Variants in SLC36A4 observed in about 807,000 individuals in gnomAD.
The protein encoded by SLC36A4 is neutral amino acid uniporter 4.
In SLC36A4, 49 loss-of-function variants were observed where a neutral mutation model predicts 50.5. The observed-to-expected ratio is 0.97, with a 90% CI of 0.77 to 1.23. SLC36A4 has a LOEUF of 1.23. Ranked by LOEUF, SLC36A4 falls within the 50% of genes most tolerant of loss-of-function variation. The probability of loss-of-function intolerance (pLI) is 0.00; values close to 1 mark genes in which losing one functional copy is unlikely to be tolerated. For missense variants in SLC36A4, 611 were observed against 608.4 expected (o/e 1.00, Z -0.05); for synonymous variants, 207 against 206.5 (o/e 1.00, Z -0.02).
At chr11:93,149,310 C>A (rs1014105718) in intron 10 of SLC36A4, among the ~76,000 whole-genome samples, 14 of 151,936 alleles carry the variant, frequency 9.2e-5, no homozygotes, top group Non-Finnish European at 2.9e-5. Flanking sequence ...TAAGCAAATA[C>A]CACAATAATC....
chr11:93,148,356 AG>A lies in SLC36A4; in HGVS notation c.*180del. On this transcript the variant is annotated 3_prime_UTR_variant, in exon 11 of 11. Transcript: ENST00000326402. ...GAACTATTGCTAACACTTAAAAGCA[AG>A]GATTTTTCATAGGTTTACCACTACT... The A allele has an allele frequency of 1.9e-6, 1 of 520,126 alleles. No individual in the cohort carries two copies. The highest frequency in any genetic ancestry group is 3.3e-6 in the Non-Finnish European group (1 of 304,630). The allele number at this position is 520,126 out of a possible 1,614,324, so 32.2% of individuals were successfully genotyped here.
chr11:93,155,319 C>T (rs1860303276), intron 9 of SLC36A4: 1 of 152,126 alleles, frequency 6.6e-6, no homozygotes, highest in African/African-American at 2.4e-5. Flanking sequence ...TCAGCAGAAA[C>T]ATCTTCCCAC....
chr11:93,148,369 G>T lies in SLC36A4; in HGVS notation c.*168C>A. 2 of 594,070 alleles carry T rather than the reference G, an allele frequency of 3.4e-6. No individual in the cohort carries two copies. Among genetic ancestry groups the T allele is most frequent in the Non-Finnish European group, 2.8e-6 (1 of 353,232 alleles). 36.8% of individuals were successfully genotyped at this position (594,070 alleles called of 1,614,324 possible). On this transcript the variant is annotated 3_prime_UTR_variant, in exon 11 of 11. Coordinates refer to ENST00000326402, the MANE Select transcript of SLC36A4 (RefSeq NM_152313.4). ...CACTTAAAAGCAAGGATTTTTCATA[G>T]GTTTACCACTACTGGTAAAGAGTTA...
At chr11:93,195,439 A>G (rs1862377771) in intron 1 of SLC36A4, among the ~76,000 whole-genome samples, 1 of 152,056 alleles carries the variant, frequency 6.6e-6, no homozygotes, top group African/African-American at 2.4e-5. Context: ...GAGACTAACT[A>G]TGTCTATTCA....
At chr11:93,168,878 AAT>A (rs1861004323) in intron 6 of SLC36A4, among the ~76,000 whole-genome samples, 2 of 152,096 alleles carry the variant, frequency 1.3e-5, no homozygotes, top group African/African-American at 4.8e-5. Flanking sequence ...ATGATTTACA[AAT>A]ATGATTTACA....
intron 9 of SLC36A4, among the ~76,000 whole-genome samples, chr11:93,157,449 T>C (rs1476315964): frequency 6.6e-6 from 1 of 152,194 alleles, no homozygotes; most frequent in Non-Finnish European, 1.5e-5. Flanking sequence ...TGGCTATTTT[T>C]ATGATATTGA....
rs1372215093 is a variant in SLC36A4, at chr11:93,148,796, A to G, written c.1256T>C (p.Val419Ala). The G allele has an allele frequency of 1.2e-6, 2 of 1,612,776 alleles. No individual in the cohort carries two copies. Among genetic ancestry groups the G allele is most frequent in the African/African-American group, 2.7e-5 (2 of 74,854 alleles). ...IPRLDIVISF[V>A]GAVSSSTLAL... Reference sequence around the variant, plus strand: ...CAATGTGCTGCTGCTCACAGCTCCAACGAAGGAAATCACAATGTCTAAACG... The same window carrying G: ...CAATGTGCTGCTGCTCACAGCTCCAGCGAAGGAAATCACAATGTCTAAACG... The change falls in exon 11 of 11, where the codon GTT (valine) becomes GCT (alanine). Residue 419 changes from valine (V) to alanine (A), a missense_variant. Physicochemically the swap from Val to Ala is moderately conservative, Grantham distance 64. Coordinates refer to ENST00000326402, the MANE Select transcript of SLC36A4 (RefSeq NM_152313.4).
intron 3 of SLC36A4, among the ~76,000 whole-genome samples, chr11:93,183,628 A>G (rs945870348): frequency 6.6e-6 from 1 of 152,098 alleles, no homozygotes; most frequent in Admixed American, 6.5e-5. Context: ...AATAATTACA[A>G]TAACTGCCTC....
At chr11:93,160,874 T>A in intron 9 of SLC36A4, 2 of 622,382 alleles carry the variant, frequency 3.2e-6, no homozygotes, top group Non-Finnish European at 4.0e-6. Context: ...AAAATGTCTC[T>A]CTGTTTCCCA....
Position 93,173,964 on chromosome 11 carries a change from T to G in SLC36A4, c.541-5793A>C, listed in dbSNP as rs1439806029. On this transcript the variant is annotated intron_variant, in intron 6 of 10. Transcript: ENST00000326402. ...TGGTTCCATATGAACTTTAAAGTAG[T>G]TTTTTCCAATTCTGTGAAGAAAGTC... 2.7e-5 allele frequency among the ~76,000 whole-genome samples: 4 copies of G among 146,132 alleles called. No individual in the cohort carries two copies. The East Asian group carries it at 8.2e-4, about 30-fold the overall frequency.
At chr11:93,186,518 T>G (rs1861988088) in intron 1 of SLC36A4, among the ~76,000 whole-genome samples, 1 of 152,190 alleles carries the variant, frequency 6.6e-6, no homozygotes, top group Non-Finnish European at 1.5e-5. Flanking sequence ...TCTTTTTTTC[T>G]TACTTAATTT....
At chr11:93,167,763 T>C (rs1860944605) in intron 7 of SLC36A4, among the ~76,000 whole-genome samples, 181 bp downstream of exon 7, 2 of 152,132 alleles carry the variant, frequency 1.3e-5, no homozygotes, top group African/African-American at 2.4e-5. Context: ...TTAATCTCTA[T>C]GTCATATACT....
intron 9 of SLC36A4, among the ~76,000 whole-genome samples, chr11:93,155,860 G>T (rs1384252960): frequency 6.6e-6 from 1 of 152,018 alleles, no homozygotes; most frequent in African/African-American, 2.4e-5. Context: ...GTTTGCTAAG[G>T]GTAATGACCT....
chr11:93,172,383 G>A (rs182169881), intron 6 of SLC36A4, among the ~76,000 whole-genome samples: 1 of 151,276 alleles, frequency 6.6e-6, no homozygotes, highest in Non-Finnish European at 1.5e-5. Context: ...CATATTTGTT[G>A]TCTTTTATCC....
chr11:93,188,060 C>T (rs1421206056), intron 1 of SLC36A4, among the ~76,000 whole-genome samples: 3 of 152,138 alleles, frequency 2.0e-5, no homozygotes, highest in Non-Finnish European at 2.9e-5. Context: ...CTCTTCTTTT[C>T]CAACGAAATA....
chr11:93,194,664 A>T (rs1027300651), intron 1 of SLC36A4, among the ~76,000 whole-genome samples: 5 of 152,188 alleles, frequency 3.3e-5, no homozygotes, highest in African/African-American at 1.2e-4. Flanking sequence ...TTACTTCATT[A>T]CCCACAAATT....
chr11:93,146,980 TTG>T lies in SLC36A4; in HGVS notation c.*1555_*1556del, dbSNP rs1314704524. The T allele has an allele frequency of 6.6e-6, 1 of 152,050 alleles. No homozygotes were observed. Among genetic ancestry groups the T allele is most frequent in the Admixed American group, 6.6e-5 (1 of 15,238 alleles). The allele number at this position is 152,050 out of a possible 1,614,324, so 9.4% of individuals were successfully genotyped here. A position where few individuals can be genotyped will look rare whatever the true frequency, so the allele number is the denominator to read the frequency against. ...TTATGATTCTTGTATATATTTATTG[TTG>T]TTTTAGTTTTTAAGAGTTGGGATCT... On this transcript the variant is annotated 3_prime_UTR_variant, in exon 11 of 11. Coordinates refer to ENST00000326402, the MANE Select transcript of SLC36A4 (RefSeq NM_152313.4).
intron 8 of SLC36A4, among the ~76,000 whole-genome samples, chr11:93,164,504 T>C (rs1860775864): frequency 6.6e-6 from 1 of 152,192 alleles, no homozygotes; most frequent in Non-Finnish European, 1.5e-5. Flanking sequence ...ATCCTCACAA[T>C]AACTCTATGA....
At chr11:93,162,972 T>C (rs2134649685) in intron 8 of SLC36A4, 97 bp from the exon 9 acceptor site, 1 of 1,089,344 alleles carries the variant, frequency 9.2e-7, no homozygotes, top group South Asian at 1.5e-5. Context: ...ATAGCCTATA[T>C]GCAAATTTTT....
Sources: gnomAD v4.1 joint callset for allele counts (sites outside exome capture counted in the v4.1 genomes callset) on GRCh38, gnomAD v4.1.1 for gene constraint, MANE v1.5 for transcripts, NCBI Gene and HGNC (gene_info 2026-07-23, HGNC 2026-07-21) for gene names.